MTCL2: variants seen among roughly 807,000 people sequenced by gnomAD.
MTCL2 encodes microtubule cross-linking factor 2.
the MTCL2 span, chr20:36,778,451 G>C: frequency 6.6e-6 from 1 of 152,292 alleles, no homozygotes; most frequent in Admixed American, 6.5e-5. Flanking sequence ...AAGTTCCCAG[G>C]TGATATTCCT....
chr20:36,795,597 A>C, the MTCL2 span, among the ~76,000 whole-genome samples: 1 of 152,094 alleles, frequency 6.6e-6, no homozygotes. Context: ...CAAGATGGTA[A>C]AACCCTATCT....
the MTCL2 span, among the ~76,000 whole-genome samples, chr20:36,818,100 A>T: frequency 6.6e-6 from 1 of 152,198 alleles, no homozygotes; most frequent in Admixed American, 6.5e-5. Context: ...TCCCCATGGG[A>T]TCGCCTGAGA....
the MTCL2 span, among the ~76,000 whole-genome samples, chr20:36,830,294 C>T: frequency 2.6e-5 from 4 of 152,098 alleles, no homozygotes; most frequent in South Asian, 2.1e-4. Context: ...GGGCTGGACA[C>T]GGTAGCTCAC....
chr20:36,825,554 C>T, the MTCL2 span, among the ~76,000 whole-genome samples: 3 of 152,210 alleles, frequency 2.0e-5, no homozygotes, highest in Non-Finnish European at 4.4e-5. Flanking sequence ...CCGCAGCCCT[C>T]GGCCAGGGTC....
the MTCL2 span, among the ~76,000 whole-genome samples, chr20:36,836,225 A>T: frequency 6.6e-6 from 1 of 151,644 alleles, no homozygotes. Context: ...CCCAGGCTGG[A>T]GTGCAGTGCT....
chr20:36,790,049 T>A, the MTCL2 span, among the ~76,000 whole-genome samples: 1 of 149,460 alleles, frequency 6.7e-6, no homozygotes, highest in Non-Finnish European at 1.5e-5. Context: ...TGGAGTGCAG[T>A]GGCGCGATCT....
At chr20:36,837,590 A>T in the MTCL2 span, among the ~76,000 whole-genome samples, 1 of 117,888 alleles carries the variant, frequency 8.5e-6, no homozygotes. Flanking sequence ...TATTATTATT[A>T]TTTTTGAGAC....
the MTCL2 span, chr20:36,804,834 C>A: frequency 1.2e-6 from 2 of 1,613,896 alleles, no homozygotes; most frequent in African/African-American, 1.3e-5. Flanking sequence ...GGCGTTCATC[C>A]CGGAGCAGCC....
chr20:36,836,078 AC>A, the MTCL2 span, among the ~76,000 whole-genome samples: 3 of 18,478 alleles, frequency 1.6e-4, no homozygotes, highest in Non-Finnish European at 2.2e-4. Flanking sequence ...TTCCCCCACC[AC>A]CCCCCACCCC....
the MTCL2 span, among the ~76,000 whole-genome samples, chr20:36,823,189 T>G: frequency 6.6e-6 from 1 of 152,112 alleles, no homozygotes; most frequent in Non-Finnish European, 1.5e-5. Flanking sequence ...AGAGATCACT[T>G]GGGGGAGAAA....
At chr20:36,810,011 C>T in the MTCL2 span, 948 of 1,601,598 alleles carry the variant, frequency 5.9e-4, no homozygotes, top group Non-Finnish European at 7.2e-4. Context: ...AAATTGTCGG[C>T]CTCCTCCTTT....
At chr20:36,801,287 A>C in the MTCL2 span, among the ~76,000 whole-genome samples, 1 of 152,178 alleles carries the variant, frequency 6.6e-6, no homozygotes, top group South Asian at 2.1e-4. Context: ...GTATCTCCAC[A>C]CTAGGAACAC....
the MTCL2 span, among the ~76,000 whole-genome samples, chr20:36,836,091 C>G: frequency 6.7e-6 from 1 of 149,604 alleles, no homozygotes; most frequent in Admixed American, 6.7e-5. Flanking sequence ...CCCCACCCCT[C>G]CCAACCCAGT....
At chr20:36,807,189 G>A in the MTCL2 span, among the ~76,000 whole-genome samples, 2 of 152,186 alleles carry the variant, frequency 1.3e-5, no homozygotes, top group African/African-American at 4.8e-5. Flanking sequence ...GAGGCCCTGG[G>A]GAGGAGCTGG....
chr20:36,845,231 G>A, the MTCL2 span, among the ~76,000 whole-genome samples: 7 of 152,180 alleles, frequency 4.6e-5, no homozygotes, highest in African/African-American at 1.2e-4. Context: ...GATGAAGGGC[G>A]TTTCCTTCTA....
At chr20:36,862,087 G>C in the MTCL2 span, among the ~76,000 whole-genome samples, 1 of 152,236 alleles carries the variant, frequency 6.6e-6, no homozygotes, top group Non-Finnish European at 1.5e-5. Context: ...CTGTGGGACC[G>C]TTAGGCTGGG....
the MTCL2 span, chr20:36,786,278 A>C: frequency 8.0e-7 from 1 of 1,246,412 alleles, no homozygotes; most frequent in Non-Finnish European, 1.0e-6. Flanking sequence ...TCCCCTGGGA[A>C]GTCGAAGCTC....
chr20:36,788,932 G>A, the MTCL2 span, among the ~76,000 whole-genome samples: 1 of 150,924 alleles, frequency 6.6e-6, no homozygotes, highest in Non-Finnish European at 1.5e-5. Flanking sequence ...TCAGCCTCCC[G>A]AGTAGCTGGG....
At chr20:36,856,456 G>A in the MTCL2 span, among the ~76,000 whole-genome samples, 21 of 152,358 alleles carry the variant, frequency 1.4e-4, no homozygotes, top group South Asian at 6.2e-4. Context: ...GGGAGATAGG[G>A]CCAGCAGGAA....
Sources: allele counts gnomAD v4.1 joint callset (sites outside exome capture counted in the v4.1 genomes callset), GRCh38; gene constraint gnomAD v4.1.1; transcripts MANE v1.5; gene names NCBI Gene and HGNC (gene_info 2026-07-23, HGNC 2026-07-21).